Variants in GLB1 observed in about 807,000 individuals in gnomAD.
GLB1 encodes the protein beta-galactosidase.
In GLB1, 56 loss-of-function variants were observed where a neutral mutation model predicts 74.0. The observed-to-expected ratio is 0.76, with a 90% confidence interval of 0.61 to 0.94. The LOEUF is 0.94. Ranked by LOEUF, GLB1 falls within the 40% of genes least tolerant of loss-of-function variation. The pLI is 0.00. For synonymous variants in GLB1, 323 were observed against 323.6 expected, an observed-to-expected ratio of 1.00 and a Z score of 0.02; for missense variants, 787 against 845.5, an observed-to-expected ratio of 0.93 and a Z score of 0.86.
At chr3:33,047,348 T>G (rs746778124) in intron 9 of GLB1, among the ~76,000 whole-genome samples, 108 of 152,280 alleles carry the variant, frequency 7.1e-4, no homozygotes, top group Middle Eastern at 6.8e-3. Context: ...GGGTGGTACT[T>G]CAAAAACTTA....
chr3:33,024,300 A>C lies in GLB1; in HGVS notation c.1094T>G (p.Ile365Ser). The change falls in exon 11 of 16, where the codon ATC (isoleucine) becomes AGC (serine). Residue 365 changes from isoleucine (I) to serine (S), a missense_variant. Ile to Ser is a moderately radical substitution (Grantham distance 142). Coordinates refer to ENST00000307363, the MANE Select transcript of GLB1 (RefSeq NM_000404.4). Reference protein sequence around the residue: ...QKFEKVPEGPIPPSTPKFAYG... With the variant: ...QKFEKVPEGPSPPSTPKFAYG... ...TGCAAACTTTGGTGTAGATGGAGGG[A>C]TAGGACCTTCTGGTACTTTTTCAAA... 6.3e-7 allele frequency: 1 copy of C among 1,578,844 alleles called. No homozygotes were observed. The highest frequency in any genetic ancestry group is 8.6e-7 in the Non-Finnish European group (1 of 1,163,570).
Position 33,093,495 on chromosome 3 carries a change from T to C in GLB1, c.75+3516A>G, listed in dbSNP as rs372500334. 1.1e-5 allele frequency: 17 copies of C among 1,614,058 alleles called. No homozygotes were observed. The African/African-American group carries it at 2.0e-4, about 19-fold the overall frequency. ...CACCGTGATGTCTGGTTCCAGCACA[T>C]TCACCATCCTCACAAACATTTCCAT... On this transcript the variant is annotated intron_variant, in intron 1 of 15. Transcript: ENST00000307363. The surrounding 1 kb of genome is among the most constrained non-coding windows in gnomAD (Gnocchi z 6.0).
At chr3:33,087,930 C>T (rs575504573) in intron 1 of GLB1, among the ~76,000 whole-genome samples, 91 of 152,132 alleles carry the variant, frequency 6.0e-4, no homozygotes, top group Admixed American at 5.4e-3. Flanking sequence ...GGGATTTATT[C>T]CTAAAATGCA....
intron 10 of GLB1, among the ~76,000 whole-genome samples, chr3:33,029,541 G>A (rs963211597): frequency 6.6e-6 from 1 of 152,130 alleles, no homozygotes; most frequent in Non-Finnish European, 1.5e-5. Flanking sequence ...TAAAGACACG[G>A]AATCAACCTA....
chr3:32,986,599 T>C, the GLB1 span, among the ~76,000 whole-genome samples: 4 of 151,808 alleles, frequency 2.6e-5, no homozygotes, highest in East Asian at 1.9e-4. Flanking sequence ...TTTCTCTTTT[T>C]TTTTTTTTTG....
At chr3:33,040,790 G>A (rs9861316) in intron 10 of GLB1, among the ~76,000 whole-genome samples, 3,280 of 152,160 alleles carry the variant, frequency 0.022, 99 homozygotes, top group East Asian at 0.073. Flanking sequence ...TATAACAGAA[G>A]TATCTCTAGT....
intron 1 of GLB1, chr3:33,092,811 GA>G: frequency 6.4e-7 from 1 of 1,569,470 alleles, no homozygotes; most frequent in Non-Finnish European, 8.7e-7. Flanking sequence ...GGGCAGGGCA[GA>G]GGTGCACAGG....
At chr3:32,986,975 G>A in the GLB1 span, among the ~76,000 whole-genome samples, 5 of 152,290 alleles carry the variant, frequency 3.3e-5, no homozygotes, top group African/African-American at 9.6e-5. Flanking sequence ...TTTAGAGACC[G>A]ACAGCAGATG....
intron 2 of GLB1, 133 bp from the exon 3 acceptor site, chr3:33,069,103 T>G: frequency 6.7e-7 from 1 of 1,485,088 alleles, no homozygotes; most frequent in Non-Finnish European, 9.2e-7. Context: ...AGAAAAATTA[T>G]CCAAGGCTGG....
At position 32,996,936 on chromosome 3, in the gene GLB1, C is replaced by A; in HGVS notation, c.*109G>T. 6.2e-7 allele frequency: 1 copy of A among 1,600,176 alleles called. No individual in the cohort carries two copies. The highest frequency in any genetic ancestry group is 8.5e-7 in the Non-Finnish European group (1 of 1,172,052). On this transcript the variant is annotated 3_prime_UTR_variant, in exon 16 of 16. Coordinates refer to ENST00000307363, the MANE Select transcript of GLB1 (RefSeq NM_000404.4). Reference sequence around the variant, plus strand: ...GAAACCTCAGGTGAAAATGCACATCCTAAATTCCTTTTCCATTTCCACATT... The same window carrying A: ...GAAACCTCAGGTGAAAATGCACATCATAAATTCCTTTTCCATTTCCACATT...
chr3:33,067,964 C>CAAA (rs34772446), intron 4 of GLB1, among the ~76,000 whole-genome samples: 1 of 152,196 alleles, frequency 6.6e-6, no homozygotes, highest in Non-Finnish European at 1.5e-5. Flanking sequence ...CGGTTCACTG[C>CAAA]AACTTCCGCC....
intron 1 of GLB1, chr3:33,094,139 A>T (rs1575502548): frequency 1.2e-6 from 2 of 1,613,386 alleles, no homozygotes; most frequent in Non-Finnish European, 8.5e-7. Context: ...ACACGAAGAC[A>T]GTGACAGCAG....
intron 1 of GLB1, among the ~76,000 whole-genome samples, chr3:33,087,319 C>A (rs1221377107): frequency 6.6e-6 from 1 of 152,062 alleles, no homozygotes; most frequent in African/African-American, 2.4e-5. Context: ...CCTGTAATCC[C>A]AGCACTTTGG....
chr3:33,042,995 C>T (rs1435423486), intron 10 of GLB1, among the ~76,000 whole-genome samples: 1 of 152,160 alleles, frequency 6.6e-6, no homozygotes, highest in African/African-American at 2.4e-5. Flanking sequence ...TGTAGTAATG[C>T]CCCATGGGTT....
intron 15 of GLB1, among the ~76,000 whole-genome samples, chr3:33,011,458 A>C (rs1016379222): frequency 1.3e-5 from 2 of 149,692 alleles, no homozygotes; most frequent in Non-Finnish European, 3.0e-5. Context: ...TAAAAAAAAA[A>C]CAAAAAATAA....
chr3:33,079,678 G>A (rs369049782), intron 1 of GLB1, among the ~76,000 whole-genome samples: 9 of 152,286 alleles, frequency 5.9e-5, no homozygotes, highest in East Asian at 3.9e-4. Context: ...CAAATGTTAC[G>A]CAGCTCTGGA....
chr3:33,048,986 G>A (rs918712553), intron 9 of GLB1, among the ~76,000 whole-genome samples: 14 of 151,312 alleles, frequency 9.3e-5, no homozygotes, highest in African/African-American at 3.4e-4. Context: ...GGGAGGGGCA[G>A]GAGAGAGGAT....
intron 10 of GLB1, among the ~76,000 whole-genome samples, chr3:33,039,547 G>C (rs1481015961): frequency 2.0e-5 from 3 of 152,096 alleles, no homozygotes; most frequent in Non-Finnish European, 4.4e-5. Context: ...TAAACTAGAA[G>C]ATAGGTCAGA....
intron 10 of GLB1, among the ~76,000 whole-genome samples, chr3:33,029,581 A>C (rs1697921869): frequency 6.6e-6 from 1 of 152,354 alleles, no homozygotes; most frequent in African/African-American, 2.4e-5. Flanking sequence ...CTGGATAAAG[A>C]AAATGTGGCA....
Sources: gnomAD v4.1 joint callset for allele counts (sites outside exome capture counted in the v4.1 genomes callset) on GRCh38, gnomAD v4.1.1 for gene constraint, Gnocchi (gnomAD v3.1) non-coding constraint, MANE v1.5 for transcripts, NCBI Gene and HGNC (gene_info 2026-07-23, HGNC 2026-07-21) for gene names.